TNNI3K: variants seen among roughly 807,000 people sequenced by gnomAD.
TNNI3K encodes the protein TNNI3 interacting kinase.
Under a neutral mutation model 114.5 loss-of-function variants are expected in TNNI3K, and 140 were observed. The ratio of observed to expected loss-of-function variants is 1.22; its 90% CI spans 1.07 to 1.41. The LOEUF (loss-of-function observed/expected upper bound fraction) is 1.41. Ranked by LOEUF, TNNI3K falls within the 40% of genes most tolerant of loss-of-function variation. The pLI, the probability that TNNI3K is intolerant of heterozygous loss-of-function variation, is 0.00. For synonymous variants in TNNI3K, 347 were observed against 347.5 expected (o/e 1.00, Z 0.02); for missense variants, 1,125 against 1,007.6 (o/e 1.12, Z -1.58).
chr1:74,412,347 A>G (rs947786803), intron 17 of TNNI3K, among the ~76,000 whole-genome samples: 1 of 152,112 alleles, frequency 6.6e-6, no homozygotes. Context: ...GAGGACTTAG[A>G]CAAGTGACTT....
chr1:74,282,422 G>T (rs1657071947), intron 5 of TNNI3K, among the ~76,000 whole-genome samples: 1 of 151,652 alleles, frequency 6.6e-6, no homozygotes, highest in South Asian at 2.1e-4. Flanking sequence ...TTCGCTGTAT[G>T]TTAACATGCT....
chr1:74,381,194 T>C (rs1663186465), intron 17 of TNNI3K, among the ~76,000 whole-genome samples: 1 of 152,136 alleles, frequency 6.6e-6, no homozygotes, highest in African/African-American at 2.4e-5. Flanking sequence ...TATCACCCTA[T>C]TGGAAGACCA....
At chr1:74,353,148 G>T (rs1053413180) in intron 9 of TNNI3K, 118 bp from the exon 10 acceptor site, 1 of 1,047,524 alleles carries the variant, frequency 9.5e-7, no homozygotes, top group Non-Finnish European at 1.4e-6. Flanking sequence ...CAGTCTCATT[G>T]TCAGGTTATG....
intron 5 of TNNI3K, among the ~76,000 whole-genome samples, chr1:74,321,341 T>C (rs1456192882): frequency 2.6e-5 from 4 of 152,188 alleles, no homozygotes; most frequent in African/African-American, 4.8e-5. Context: ...TTTTGTTCTC[T>C]GCTTCTTAGA....
intron 20 of TNNI3K, among the ~76,000 whole-genome samples, chr1:74,452,641 T>A (rs749962979): frequency 1.6e-4 from 25 of 152,212 alleles, no homozygotes; most frequent in Non-Finnish European, 3.1e-4. Flanking sequence ...AATCACTAGA[T>A]TTAGCTTTCT....
chr1:74,375,900 C>G (rs1372530468), intron 17 of TNNI3K: 1 of 242,316 alleles, frequency 4.1e-6, no homozygotes, highest in East Asian at 8.8e-5. Flanking sequence ...GGAGAACCCA[C>G]TGAAGGGTCA....
At chr1:74,497,200 G>A (rs1316665114) in intron 23 of TNNI3K, among the ~76,000 whole-genome samples, 1 of 152,102 alleles carries the variant, frequency 6.6e-6, no homozygotes. Context: ...CCATGACACT[G>A]ATGTTCCTAG....
At chr1:74,283,454 T>C (rs1220497974) in intron 5 of TNNI3K, among the ~76,000 whole-genome samples, 1 of 152,224 alleles carries the variant, frequency 6.6e-6, no homozygotes, top group Non-Finnish European at 1.5e-5. Context: ...TTTCTTTTTG[T>C]CACTCAGGTC....
At chr1:74,498,471 C>CT (rs1276630714) in intron 23 of TNNI3K, among the ~76,000 whole-genome samples, 1 of 152,094 alleles carries the variant, frequency 6.6e-6, no homozygotes, top group Non-Finnish European at 1.5e-5. Flanking sequence ...AAATTCTCTT[C>CT]TTTTTTGTTT....
chr1:74,382,551 G>T lies in TNNI3K; in HGVS notation c.1772+12159G>T, dbSNP rs190778862. ...GTGAAAGGTTTTGTTGTTACTAAAT[G>T]ATGTGGGAAACAGCATAGTCCCTTT... is the stretch of plus-strand genomic sequence containing the variant. On this transcript the variant is annotated intron_variant, in intron 17 of 24. Transcript: ENST00000326637. 3.9e-5 allele frequency among the ~76,000 whole-genome samples: 6 copies of T among 152,326 alleles called. No homozygotes were observed. The East Asian group carries it at 5.8e-4, about 15-fold the overall frequency.
chr1:74,469,950 G>A (rs1270745829), intron 21 of TNNI3K: 19 of 400,530 alleles, frequency 4.7e-5, no homozygotes, highest in Non-Finnish European at 8.8e-6. Flanking sequence ...TTGGAGCAGA[G>A]TTTTCAGCTT....
chr1:74,301,697 G>C (rs1365613909), intron 5 of TNNI3K, among the ~76,000 whole-genome samples: 1 of 152,142 alleles, frequency 6.6e-6, no homozygotes, highest in Non-Finnish European at 1.5e-5. Flanking sequence ...CAGGAAGACT[G>C]AATTTTCCTG....
chr1:74,271,451 C>G (rs1278950623), intron 4 of TNNI3K, 147 bp from the exon 5 acceptor site: 5 of 635,644 alleles, frequency 7.9e-6, no homozygotes, highest in Non-Finnish European at 1.3e-5. Context: ...TCTCTGGTAT[C>G]TAATGTGCTC....
chr1:74,502,488 C>T (rs149887357), intron 23 of TNNI3K, among the ~76,000 whole-genome samples: 47 of 152,264 alleles, frequency 3.1e-4, no homozygotes, highest in South Asian at 6.2e-4. Flanking sequence ...TGGGCCTGTC[C>T]GGTAGTGTTT....
intron 5 of TNNI3K, among the ~76,000 whole-genome samples, chr1:74,318,977 T>C (rs1659464783): frequency 6.6e-6 from 1 of 152,244 alleles, no homozygotes; most frequent in African/African-American, 2.4e-5. Flanking sequence ...AACTATTTAT[T>C]GTTATATAAA....
chr1:74,449,169 A>G (rs1182427240), intron 20 of TNNI3K, among the ~76,000 whole-genome samples: 7 of 151,366 alleles, frequency 4.6e-5, no homozygotes, highest in African/African-American at 1.2e-4. Context: ...CAGAGATGCA[A>G]CTTCTTCCTG....
chr1:74,417,620 G>T (rs577243235), intron 17 of TNNI3K, among the ~76,000 whole-genome samples: 11 of 151,804 alleles, frequency 7.2e-5, no homozygotes, highest in African/African-American at 2.7e-4. Flanking sequence ...TTCACAGAGG[G>T]TCTGAACTAA....
intron 17 of TNNI3K, among the ~76,000 whole-genome samples, chr1:74,396,247 A>G (rs528360592): frequency 1.3e-5 from 2 of 152,324 alleles, no homozygotes; most frequent in Non-Finnish European, 2.9e-5. Context: ...ATGCTCCTTT[A>G]AACCCTTATC....
chr1:74,469,746 C>A, intron 21 of TNNI3K: 1 of 395,726 alleles, frequency 2.5e-6, no homozygotes. Flanking sequence ...TTATTGATAA[C>A]AAAGAGTTAC....
Sources: allele counts gnomAD v4.1 joint callset (sites outside exome capture counted in the v4.1 genomes callset), GRCh38; gene constraint gnomAD v4.1.1; transcripts MANE v1.5; gene names NCBI Gene and HGNC (gene_info 2026-07-23, HGNC 2026-07-21).